The following C1QTNF3 variants were observed in gnomAD, a reference collection of about 807,000 sequenced individuals.
C1QTNF3 encodes the protein complement C1q tumor necrosis factor-related protein 3.
A neutral mutation model predicts 32.6 loss-of-function variants in C1QTNF3; 26 were observed. The observed-to-expected ratio is 0.80, with a 90% confidence interval of 0.58 to 1.11. The LOEUF (loss-of-function observed/expected upper bound fraction) is 1.11, where lower values mean the gene tolerates loss of function less well. Ranked by LOEUF, C1QTNF3 falls within the 50% of genes least tolerant of loss-of-function variation. C1QTNF3 has a pLI of 0.00. For synonymous variants in C1QTNF3, 155 were observed against 146.0 expected (o/e 1.06, Z -0.44); for missense variants, 362 against 398.2 (o/e 0.91, Z 0.77).
the C1QTNF3 span, among the ~76,000 whole-genome samples, chr5:34,125,185 A>T: frequency 3.9e-5 from 6 of 152,034 alleles, no homozygotes; most frequent in African/African-American, 1.5e-4. Context: ...GCTAAGCATC[A>T]CTCTCACTAA....
chr5:34,234,013 A>C, the C1QTNF3 span, among the ~76,000 whole-genome samples: 4 of 152,252 alleles, frequency 2.6e-5, no homozygotes, highest in Admixed American at 6.5e-5. Context: ...TAGTACCCAC[A>C]ATATAAGTTT....
the C1QTNF3 span, among the ~76,000 whole-genome samples, chr5:34,236,563 CTTTTTTCTTTTT>C: frequency 1.3e-4 from 6 of 45,306 alleles, no homozygotes; most frequent in Admixed American, 4.1e-4. Context: ...TTTCTTTTTT[CTTTTTTCTTTTT>C]TTTTTTTTTT....
chr5:34,085,492 T>A, the C1QTNF3 span, among the ~76,000 whole-genome samples: 281 of 151,600 alleles, frequency 1.9e-3, 2 homozygotes, highest in Admixed American at 5.2e-3. Context: ...TTCCTAGGCC[T>A]CTGTTTTGTT....
the C1QTNF3 span, among the ~76,000 whole-genome samples, chr5:34,158,947 TACAC>T: frequency 1.3e-5 from 2 of 152,082 alleles, no homozygotes; most frequent in East Asian, 1.9e-4. Context: ...GAAATATACT[TACAC>T]ACACAAACAA....
chr5:34,195,799 C>T, the C1QTNF3 span, among the ~76,000 whole-genome samples: 2 of 151,806 alleles, frequency 1.3e-5, no homozygotes, highest in Admixed American at 6.5e-5. Flanking sequence ...GAGATTGTGC[C>T]ACTGCACTCC....
the C1QTNF3 span, among the ~76,000 whole-genome samples, chr5:34,236,025 GTAGAATTGGCC>G: frequency 6.6e-6 from 1 of 152,226 alleles, no homozygotes; most frequent in Middle Eastern, 3.4e-3. Flanking sequence ...CAAGACTACT[GTAGAATTGGCC>G]ACTCCAGTCA....
At chr5:34,173,037 G>A in the C1QTNF3 span, among the ~76,000 whole-genome samples, 1 of 152,024 alleles carries the variant, frequency 6.6e-6, no homozygotes, top group Non-Finnish European at 1.5e-5. Context: ...GCTCAGACTA[G>A]CACATATGTA....
chr5:34,189,066 G>C, the C1QTNF3 span, among the ~76,000 whole-genome samples: 1 of 149,606 alleles, frequency 6.7e-6, no homozygotes, highest in African/African-American at 2.5e-5. Context: ...CACCATGTCT[G>C]ACTAAATTTT....
At chr5:34,089,091 G>A in the C1QTNF3 span, among the ~76,000 whole-genome samples, 111 of 152,270 alleles carry the variant, frequency 7.3e-4, no homozygotes, top group Admixed American at 2.2e-3. Context: ...GATGGAAGTG[G>A]AAGTGAAGAG....
At chr5:34,197,068 A>G in the C1QTNF3 span, among the ~76,000 whole-genome samples, 2 of 152,308 alleles carry the variant, frequency 1.3e-5, no homozygotes, top group South Asian at 4.1e-4. Context: ...TCAACTTTGG[A>G]AAAACAGAAG....
the C1QTNF3 span, among the ~76,000 whole-genome samples, chr5:34,115,841 T>C: frequency 0.014 from 2,107 of 152,276 alleles, 46 homozygotes; most frequent in African/African-American, 0.048. Context: ...GTTCTTATTA[T>C]ATATCTGCAC....
At chr5:34,081,036 C>T in the C1QTNF3 span, among the ~76,000 whole-genome samples, 1 of 151,884 alleles carries the variant, frequency 6.6e-6, no homozygotes, top group African/African-American at 2.4e-5. Flanking sequence ...GTCAAATCCT[C>T]AACCTGCCTC....
intron 5 of C1QTNF3, among the ~76,000 whole-genome samples, chr5:34,022,231 CA>C (rs1754347873): frequency 1.3e-5 from 2 of 152,076 alleles, no homozygotes; most frequent in South Asian, 4.2e-4. Context: ...AAAAGCCTGC[CA>C]AGTAAGTTTC....
the C1QTNF3 span, among the ~76,000 whole-genome samples, chr5:34,222,659 CTT>C: frequency 2.0e-5 from 3 of 151,732 alleles, no homozygotes; most frequent in East Asian, 3.9e-4. Flanking sequence ...ATGAGTGTCA[CTT>C]ATATATAAAT....
chr5:34,145,163 GA>G, the C1QTNF3 span, among the ~76,000 whole-genome samples: 4 of 151,886 alleles, frequency 2.6e-5, no homozygotes, highest in Admixed American at 2.6e-4. Context: ...AAATAAACTA[GA>G]GAAGAACTAT....
the C1QTNF3 span, among the ~76,000 whole-genome samples, chr5:34,145,819 T>A: frequency 1.3e-5 from 2 of 151,698 alleles, no homozygotes; most frequent in Non-Finnish European, 1.5e-5. Flanking sequence ...ATCAACAAGG[T>A]TTTATTCCTG....
chr5:34,032,698 A>C (rs59990753), intron 3 of C1QTNF3, among the ~76,000 whole-genome samples: 5,956 of 152,256 alleles, frequency 0.039, 414 homozygotes, highest in African/African-American at 0.14. Flanking sequence ...AGGGAGGCTG[A>C]GGCAGGAGAA....
chr5:34,209,023 T>G, the C1QTNF3 span, among the ~76,000 whole-genome samples: 1 of 152,196 alleles, frequency 6.6e-6, no homozygotes, highest in African/African-American at 2.4e-5. Context: ...ATCCGGTAAG[T>G]TTAGGGCAGG....
the C1QTNF3 span, among the ~76,000 whole-genome samples, chr5:34,159,428 A>G: frequency 4.6e-5 from 7 of 152,122 alleles, no homozygotes; most frequent in Non-Finnish European, 8.8e-5. Context: ...TGACAAAATC[A>G]TAATGACCTC....
Sources: gnomAD v4.1 joint callset for allele counts (sites outside exome capture counted in the v4.1 genomes callset) on GRCh38, gnomAD v4.1.1 for gene constraint, MANE v1.5 for transcripts, NCBI Gene and HGNC (gene_info 2026-07-23, HGNC 2026-07-21) for gene names.